The following MINDY2 variants were observed in gnomAD, a reference collection of about 807,000 sequenced individuals.
MINDY2 encodes the protein ubiquitin carboxyl-terminal hydrolase MINDY-2.
MINDY2 carries 52 observed loss-of-function variants against 68.2 expected under a neutral mutation model. The observed-to-expected ratio is 0.76, with a 90% CI of 0.61 to 0.96. The LOEUF is 0.96. Ranked by LOEUF, MINDY2 falls within the 40% of genes least tolerant of loss-of-function variation. The pLI is 0.00. For missense variants in MINDY2, 881 were observed against 773.4 expected, an observed-to-expected ratio of 1.14 and a Z score of -1.65; for synonymous variants, 372 against 303.0, an observed-to-expected ratio of 1.23 and a Z score of -2.36.
intron 2 of MINDY2, among the ~76,000 whole-genome samples, chr15:58,791,622 A>ATGTGTGTGTGTGTGTGTGTGTG (rs368688031): frequency 8.8e-5 from 12 of 136,626 alleles, no homozygotes; most frequent in East Asian, 4.3e-4. Flanking sequence ...GTCTCAAAAT[A>ATGTGTGTGTGTGTGTGTGTGTG]TGTGTGTGTG....
At chr15:58,816,766 C>T (rs1022873783) in intron 4 of MINDY2, among the ~76,000 whole-genome samples, 5 of 152,146 alleles carry the variant, frequency 3.3e-5, no homozygotes, top group Admixed American at 6.5e-5. Context: ...CAACTCACAC[C>T]GCAAAATTCT....
intron 1 of MINDY2, among the ~76,000 whole-genome samples, chr15:58,778,366 A>G (rs1900907488): frequency 6.6e-6 from 1 of 152,122 alleles, no homozygotes; most frequent in African/African-American, 2.4e-5. Context: ...TGCTTAGTAT[A>G]AGCTGAGATT....
intron 2 of MINDY2, among the ~76,000 whole-genome samples, chr15:58,801,365 C>T (rs1595726181): frequency 9.8e-6 from 1 of 102,230 alleles, no homozygotes; most frequent in Non-Finnish European, 1.8e-5. Flanking sequence ...TGCAACATGG[C>T]AAGACCCCAT....
chr15:58,816,477 C>T (rs2030696961), intron 4 of MINDY2, among the ~76,000 whole-genome samples: 1 of 152,078 alleles, frequency 6.6e-6, no homozygotes, highest in Non-Finnish European at 1.5e-5. Context: ...GTAGTGTGAT[C>T]ATAGCTCACT....
chr15:58,809,476 G>C (rs936582665), intron 3 of MINDY2, among the ~76,000 whole-genome samples: 2 of 151,938 alleles, frequency 1.3e-5, no homozygotes, highest in African/African-American at 4.8e-5. Context: ...TCATTTGTCA[G>C]TTGTAACTAA....
chr15:58,823,591 G>A (rs1292552510), intron 5 of MINDY2, among the ~76,000 whole-genome samples: 1 of 152,128 alleles, frequency 6.6e-6, no homozygotes, highest in African/African-American at 2.4e-5. Flanking sequence ...CTTGAGCCCA[G>A]GAGGTCAAGG....
intron 6 of MINDY2, among the ~76,000 whole-genome samples, chr15:58,833,443 A>AAAAAGGGGGCCCAGGGGACCAG (rs1307807238): frequency 1.3e-5 from 2 of 152,214 alleles, no homozygotes; most frequent in African/African-American, 4.8e-5. Context: ...TAGAGAAAGA[A>AAAAAGGGGGCCCAGGGGACCAG]AAAAGGGGGC....
chr15:58,773,278 C>G (rs1484696610), intron 1 of MINDY2, among the ~76,000 whole-genome samples: 1 of 152,068 alleles, frequency 6.6e-6, no homozygotes, highest in African/African-American at 2.4e-5. Context: ...CAGTGAGACC[C>G]TATATTAAAA....
At chr15:58,812,472 C>T (rs1294052234) in intron 4 of MINDY2, among the ~76,000 whole-genome samples, 3 of 151,934 alleles carry the variant, frequency 2.0e-5, no homozygotes, top group African/African-American at 7.2e-5. Flanking sequence ...AGAATGATCC[C>T]TCATACCTTT....
intron 2 of MINDY2, among the ~76,000 whole-genome samples, chr15:58,795,450 G>A (rs1294880986): frequency 1.3e-5 from 2 of 152,052 alleles, no homozygotes; most frequent in East Asian, 3.9e-4. Flanking sequence ...CTGTTGCCCA[G>A]GCTGGAGTGC....
chr15:58,823,445 G>T (rs1424443976), intron 5 of MINDY2, among the ~76,000 whole-genome samples: 1 of 151,908 alleles, frequency 6.6e-6, no homozygotes, highest in East Asian at 1.9e-4. Flanking sequence ...AGGCTGAGGC[G>T]GGAGGATTGC....
chr15:58,810,622 A>G (rs1182770861), intron 4 of MINDY2, among the ~76,000 whole-genome samples: 1 of 152,214 alleles, frequency 6.6e-6, no homozygotes, highest in Non-Finnish European at 1.5e-5. Flanking sequence ...AAGAGCTCAT[A>G]GAAGACCACC....
At chr15:58,830,223 G>A (rs965215182) in intron 5 of MINDY2, among the ~76,000 whole-genome samples, 11 of 152,178 alleles carry the variant, frequency 7.2e-5, no homozygotes, top group African/African-American at 2.7e-4. Flanking sequence ...ATAAATATGA[G>A]TGAGTTTTTA....
chr15:58,788,261 A>C (rs1901639441), intron 2 of MINDY2, among the ~76,000 whole-genome samples: 1 of 152,222 alleles, frequency 6.6e-6, no homozygotes. Flanking sequence ...AATCGCTGAC[A>C]TTGCATGTAG....
At chr15:58,816,988 A>C (rs1283708878) in intron 4 of MINDY2, among the ~76,000 whole-genome samples, 1 of 152,096 alleles carries the variant, frequency 6.6e-6, no homozygotes, top group African/African-American at 2.4e-5. Flanking sequence ...GGGAAAAAAA[A>C]GTTTAACTAT....
rs1192712168 is a variant in MINDY2 at position 58,860,571 on chromosome 15, T to C, written c.*5961T>C. On this transcript the variant is annotated 3_prime_UTR_variant, in exon 9 of 9. Transcript: ENST00000559228. ...CCTGGGCGACTGAGCGAGACTCTTATATCTCAAAAAAAAAAAAAAAAAAAA... is the reference window on the plus strand; with the variant it reads ...CCTGGGCGACTGAGCGAGACTCTTACATCTCAAAAAAAAAAAAAAAAAAAA... The C allele has an allele frequency of 7.5e-6, 1 of 133,976 alleles. No individual in the cohort carries two copies. The highest frequency in any genetic ancestry group is 1.5e-5 in the Non-Finnish European group (1 of 64,842). 8.3% of individuals were successfully genotyped at this position (133,976 alleles called of 1,614,324 possible).
At chr15:58,829,991 TA>T (rs1418659253) in intron 5 of MINDY2, among the ~76,000 whole-genome samples, 1 of 152,250 alleles carries the variant, frequency 6.6e-6, no homozygotes, top group African/African-American at 2.4e-5. Context: ...CCTGTATCTA[TA>T]TCTCTCAGAT....
chr15:58,852,300 A>AAAAAAAAAAAAAAAAAG (rs2032859184), intron 8 of MINDY2, among the ~76,000 whole-genome samples: 1 of 150,394 alleles, frequency 6.6e-6, no homozygotes, highest in African/African-American at 2.4e-5. Flanking sequence ...AAAAAAAAAA[A>AAAAAAAAAAAAAAAAAG]AAAAAGATGA....
At chr15:58,802,550 C>T (rs570812048) in intron 3 of MINDY2, among the ~76,000 whole-genome samples, 173 bp downstream of exon 3, 1 of 151,948 alleles carries the variant, frequency 6.6e-6, no homozygotes, top group South Asian at 2.1e-4. Context: ...TTTTTTTATG[C>T]CTCTTTAAAA....
Sources: gnomAD v4.1 joint callset for allele counts (sites outside exome capture counted in the v4.1 genomes callset) on GRCh38, gnomAD v4.1.1 for gene constraint, MANE v1.5 for transcripts, NCBI Gene and HGNC (gene_info 2026-07-23, HGNC 2026-07-21) for gene names.